Variants in SLC2A9 observed in about 807,000 individuals in gnomAD.
SLC2A9 encodes solute carrier family 2, facilitated glucose transporter member 9.
SLC2A9 carries 39 observed loss-of-function variants against 50.6 expected under a neutral mutation model. The observed-to-expected ratio is 0.77, with a 90% CI of 0.60 to 1.01. The LOEUF (loss-of-function observed/expected upper bound fraction) is 1.01. SLC2A9 is among the 50% of genes least tolerant of loss of function. The pLI, the probability that SLC2A9 is intolerant of heterozygous loss-of-function variation, is 0.00. For missense variants in SLC2A9, 686 were observed against 677.6 expected, an observed-to-expected ratio of 1.01 and a Z score of -0.14; for synonymous variants, 324 against 276.9, an observed-to-expected ratio of 1.17 and a Z score of -1.69.
intron 2 of SLC2A9, among the ~76,000 whole-genome samples, chr4:10,004,913 C>A (rs10022499): frequency 0.72 from 109,408 of 152,074 alleles, 40,192 homozygotes; most frequent in Non-Finnish European, 0.81. Context: ...TGGTAGGTAA[C>A]CTCTAGGCCT....
downstream of SLC2A9, among the ~76,000 whole-genome samples, chr4:9,775,646 C>T (rs369543699): frequency 2.2e-4 from 33 of 152,040 alleles, no homozygotes; most frequent in South Asian, 1.5e-3. Context: ...CCACACCCAC[C>T]GACTCTCTCT....
Position 10,021,493 on chromosome 4 carries a change from T to C in SLC2A9, c.-64A>G. ...CCCAGACTCTGCCAAGGCATTTCCG[T>C]GAGTGAGGAGGCAGAGTCCACTGGA... On this transcript the variant is annotated 5_prime_UTR_variant, in exon 1 of 12. Coordinates refer to ENST00000264784, the MANE Select transcript of SLC2A9 (RefSeq NM_020041.3). 6.2e-7 allele frequency: 1 copy of C among 1,609,652 alleles called. No homozygotes were observed. Among genetic ancestry groups the C allele is most frequent in the Admixed American group, 1.7e-5 (1 of 59,482 alleles).
intron 10 of SLC2A9, among the ~76,000 whole-genome samples, chr4:9,854,747 C>T (rs972289156): frequency 1.3e-5 from 2 of 152,200 alleles, no homozygotes; most frequent in Non-Finnish European, 2.9e-5. Flanking sequence ...AGCAGCACAT[C>T]CAATAGCTTA....
intron 10 of SLC2A9, among the ~76,000 whole-genome samples, chr4:9,860,810 T>C (rs189524491): frequency 9.2e-5 from 14 of 152,350 alleles, no homozygotes; most frequent in Admixed American, 6.5e-4. Context: ...CCCTGAAGCC[T>C]GAGGCTGGTG....
chr4:9,925,614 T>C (rs1413195531), intron 6 of SLC2A9, among the ~76,000 whole-genome samples: 1 of 152,182 alleles, frequency 6.6e-6, no homozygotes, highest in African/African-American at 2.4e-5. Context: ...ATAAAATCAA[T>C]GTGTGTTAAG....
At chr4:9,953,006 G>C (rs16891285) in intron 5 of SLC2A9, among the ~76,000 whole-genome samples, 9,872 of 152,252 alleles carry the variant, frequency 0.065, 824 homozygotes, top group East Asian at 0.46. Flanking sequence ...TTCTTGCATT[G>C]TAAGATGCTT....
intron 3 of SLC2A9, among the ~76,000 whole-genome samples, chr4:9,793,032 G>A (rs1355577084): frequency 2.6e-5 from 4 of 152,088 alleles, no homozygotes; most frequent in Admixed American, 6.6e-5. Context: ...GCGCTACCAC[G>A]CCCAGCTAAT....
chr4:10,018,503 C>A lies in SLC2A9; in HGVS notation c.249+472G>T, dbSNP rs190592870. The stretch of plus-strand genomic sequence containing the variant: ...GTTGCAGTGAGCCGAGATCGCACCA[C>A]TGCACTCCAGCCTGGTGACAGAGTG... On this transcript the variant is annotated intron_variant, in intron 2 of 11. Transcript: ENST00000264784. Among the ~76,000 whole-genome samples the A allele has an allele frequency of 3.9e-3, 599 of 151,906 alleles. 6 individuals are homozygous for A. The highest frequency in any genetic ancestry group is 0.014 in the African/African-American group (563 of 41,402).
intron 3 of SLC2A9, among the ~76,000 whole-genome samples, chr4:9,789,450 G>A (rs972133184): frequency 6.6e-6 from 1 of 152,178 alleles, no homozygotes; most frequent in African/African-American, 2.4e-5. Flanking sequence ...AGGCAGTGTG[G>A]GAAGCTACTA....
chr4:9,971,911 G>T (rs1009004905), intron 5 of SLC2A9, among the ~76,000 whole-genome samples: 1 of 152,228 alleles, frequency 6.6e-6, no homozygotes, highest in Admixed American at 6.5e-5. Context: ...CACCTGCCTA[G>T]CAACTGCCTG....
intron 3 of SLC2A9, among the ~76,000 whole-genome samples, chr4:9,988,813 T>C (rs1757182923): frequency 1.3e-5 from 2 of 152,164 alleles, no homozygotes; most frequent in South Asian, 4.1e-4. Flanking sequence ...GCATGTCCCT[T>C]CAGAAGTGTC....
At chr4:9,788,242 G>C (rs1560117785) in intron 3 of SLC2A9, among the ~76,000 whole-genome samples, 1 of 152,092 alleles carries the variant, frequency 6.6e-6, no homozygotes, top group Non-Finnish European at 1.5e-5. Context: ...CTAGGCTGGG[G>C]AGCAGTGGCA....
In SLC2A9 at chr4:9,959,261, G is replaced by A. The variant is rs142979483; in HGVS notation, c.682-17216C>T. Among the ~76,000 whole-genome samples, 64 of 151,726 alleles carry A rather than the reference G, an allele frequency of 4.2e-4. No individual in the cohort carries two copies. In the East Asian group the frequency reaches 0.011, roughly 26 times the overall value. On this transcript the variant is annotated intron_variant, in intron 5 of 11. Coordinates refer to ENST00000264784, the MANE Select transcript of SLC2A9 (RefSeq NM_020041.3). ...ACAAAAATTAGCCAGGCGTGGTGGCGGGGGCATGTAATCCCAGCTACTCTG... is the reference window on the plus strand; with the variant it reads ...ACAAAAATTAGCCAGGCGTGGTGGCAGGGGCATGTAATCCCAGCTACTCTG...
intron 3 of SLC2A9, among the ~76,000 whole-genome samples, chr4:9,988,145 G>A (rs1757061291): frequency 6.6e-6 from 1 of 152,228 alleles, no homozygotes; most frequent in African/African-American, 2.4e-5. Flanking sequence ...ACCACAACAG[G>A]TGAGTCAACC....
intron 1 of SLC2A9, among the ~76,000 whole-genome samples, chr4:9,773,481 A>T (rs1717114938): frequency 6.6e-6 from 1 of 152,380 alleles, no homozygotes; most frequent in African/African-American, 2.4e-5. Flanking sequence ...TTTAAAATAC[A>T]TCTTCAGAAG....
intron 4 of SLC2A9, among the ~76,000 whole-genome samples, chr4:9,985,278 C>T (rs1437509120): frequency 2.0e-5 from 3 of 152,174 alleles, no homozygotes; most frequent in South Asian, 4.2e-4. Flanking sequence ...AAATGCCTGG[C>T]GAGTAAATGA....
chr4:9,782,124 G>T, intron 3 of SLC2A9: 4 of 1,550,110 alleles, frequency 2.6e-6, no homozygotes, highest in Non-Finnish European at 3.5e-6. Context: ...GGCTCGGCGG[G>T]GGCACCGCCA....
chr4:9,879,670 A>C, intron 10 of SLC2A9: 1 of 985,372 alleles, frequency 1.0e-6, no homozygotes, highest in Non-Finnish European at 1.2e-6. Flanking sequence ...TTACCGCTCC[A>C]TCTTGTTTGC....
chr4:9,985,001 C>T (rs572522426), intron 4 of SLC2A9, among the ~76,000 whole-genome samples: 2 of 152,316 alleles, frequency 1.3e-5, no homozygotes, highest in Non-Finnish European at 2.9e-5. Flanking sequence ...GCCTCTGAGA[C>T]ATAATACTCT....
Sources: allele counts gnomAD v4.1 joint callset (sites outside exome capture counted in the v4.1 genomes callset), GRCh38; gene constraint gnomAD v4.1.1; transcripts MANE v1.5; gene names NCBI Gene and HGNC (gene_info 2026-07-23, HGNC 2026-07-21).